Variants in ZNF239 observed in about 807,000 individuals in gnomAD.
ZNF239 encodes zinc finger protein 239, also known as zinc finger protein (C2H2) homologous to mouse MOK-2.
In ZNF239, 16 loss-of-function variants were observed where a neutral mutation model predicts 27.5. That is an observed-to-expected ratio of 0.58 (90% CI 0.39 to 0.88). The LOEUF (loss-of-function observed/expected upper bound fraction) is 0.88, where lower values mean the gene tolerates loss of function less well. ZNF239 is among the 40% of genes least tolerant of loss of function. ZNF239 has a pLI of 0.00. For missense variants in ZNF239, 527 were observed against 551.9 expected (o/e 0.95, Z 0.45); for synonymous variants, 199 against 192.6 (o/e 1.03, Z -0.27).
rs10647144 is a variant in ZNF239 at position 43,561,334 on chromosome 10, AAAACAAAC to A, written c.-92-3171_-92-3164del. ...TTTTAAACCTCAGGACTTCAAGGAA[AAAACAAAC>A]AAACAAACAAACAAACAAACAAAGA... On this transcript the variant is annotated intron_variant, in intron 3 of 3. Coordinates refer to ENST00000374446, the MANE Select transcript of ZNF239 (RefSeq NM_001099282.2). 8.3e-3 allele frequency among the ~76,000 whole-genome samples: 1,259 copies of A among 150,956 alleles called. 8 individuals carry two copies. The highest frequency in any genetic ancestry group is 0.012 in the Non-Finnish European group (784 of 67,698).
At position 43,557,096 on chromosome 10, in the gene ZNF239, G is replaced by A. The variant is rs760129485; in HGVS notation, c.984C>T (p.Phe328=). 2.5e-6 allele frequency: 4 copies of A among 1,611,780 alleles called. No homozygotes were observed. Among genetic ancestry groups the A allele is most frequent in the African/African-American group, 2.7e-5 (2 of 74,378 alleles). ...PYECEECGMS[F]SQRSNLHIHQ... The stretch of plus-strand genomic sequence containing the variant: ...GGATGTGCAGGTTTGAGCGCTGACT[G>A]AAGCTCATACCACACTCCTCACACT... The change falls in exon 4 of 4, where the codon TTC becomes TTT. Residue 328 remains phenylalanine (F), a synonymous_variant. Coordinates refer to ENST00000374446, the MANE Select transcript of ZNF239 (RefSeq NM_001099282.2).
chr10:43,571,207 A>G (rs1838012387), intron 2 of ZNF239, among the ~76,000 whole-genome samples: 1 of 151,144 alleles, frequency 6.6e-6, no homozygotes, highest in Non-Finnish European at 1.5e-5. Context: ...CCTCAGAACT[A>G]CATACATGCC....
rs771164461 is a variant in ZNF239 at position 43,557,077 on chromosome 10, G to A, written c.1003C>T (p.His335Tyr). ...GMSFSQRSNL[H>Y]IHQRVHTGER... The stretch of plus-strand genomic sequence containing the variant: ...CCTGTGTGTACTCGCTGGTGGATGT[G>A]CAGGTTTGAGCGCTGACTGAAGCTC... Residue 335 changes from histidine (H) to tyrosine (Y), a missense_variant, in exon 4 of 4, where the codon CAC becomes TAC. By Grantham distance (83) the His-to-Tyr change is moderately conservative. Transcript: ENST00000374446. 4.3e-6 allele frequency: 7 copies of A among 1,613,728 alleles called. No homozygotes were observed. In the South Asian group the frequency reaches 7.7e-5, roughly 18 times the overall value.
Position 43,557,544 on chromosome 10 carries a change from C to G in ZNF239, c.536G>C (p.Cys179Ser). ...TATTTTCCCACAGTTATTATGGTCA[C>G]AGGGTTTCTCCTCTGTATGAGCTCT... Reference protein sequence around the residue: ...QQRAHTEEKPCDHNNCGKILN... With the variant: ...QQRAHTEEKPSDHNNCGKILN... Residue 179 changes from cysteine (C) to serine (S), a missense_variant, in exon 4 of 4, where the codon TGT (cysteine) becomes TCT (serine). Cys to Ser is a moderately radical substitution (Grantham distance 112). Coordinates refer to ENST00000374446, the MANE Select transcript of ZNF239 (RefSeq NM_001099282.2). The G allele has an allele frequency of 6.2e-7, 1 of 1,614,158 alleles. No individual in the cohort carries two copies. The highest frequency in any genetic ancestry group is 8.5e-7 in the Non-Finnish European group (1 of 1,180,024).
chr10:43,573,096 C>T (rs1838134433), intron 2 of ZNF239, among the ~76,000 whole-genome samples: 1 of 152,118 alleles, frequency 6.6e-6, no homozygotes, highest in Non-Finnish European at 1.5e-5. Context: ...TGATGCATAG[C>T]CTAGTTGAAA....
intron 2 of ZNF239, among the ~76,000 whole-genome samples, chr10:43,572,927 T>C (rs1280221278): frequency 6.6e-6 from 1 of 152,242 alleles, no homozygotes; most frequent in African/African-American, 2.4e-5. Flanking sequence ...TAACTCATTT[T>C]ACCTACCCTA....
At chr10:43,567,196 G>T (rs1837724462) in intron 3 of ZNF239, among the ~76,000 whole-genome samples, 1 of 152,188 alleles carries the variant, frequency 6.6e-6, no homozygotes, top group African/African-American at 2.4e-5. Context: ...GTATGAGAGT[G>T]TCTCACCATG....
At chr10:43,558,515 C>A (rs1479391047) in intron 3 of ZNF239, among the ~76,000 whole-genome samples, 1 of 151,968 alleles carries the variant, frequency 6.6e-6, no homozygotes, top group East Asian at 1.9e-4. Flanking sequence ...GTGGTGTGAT[C>A]TGGTCTCACT....
chr10:43,559,345 CG>C (rs1187825646), intron 3 of ZNF239, among the ~76,000 whole-genome samples: 1 of 152,098 alleles, frequency 6.6e-6, no homozygotes, highest in African/African-American at 2.4e-5. Flanking sequence ...AGAAGAAAAA[CG>C]GTAAGGATGA....
At position 43,573,623 on chromosome 10, in the gene ZNF239, G is replaced by A; in HGVS notation, c.-216+14C>T. The stretch of plus-strand genomic sequence containing the variant: ...GGGAGATGGCATTTTAGGAGAAATG[G>A]AACGCCAACTCACCCGGACCCTGGT... On this transcript the variant is annotated intron_variant, in intron 2 of 3. Coordinates refer to ENST00000374446, the MANE Select transcript of ZNF239 (RefSeq NM_001099282.2). 1.0e-6 allele frequency: 1 copy of A among 985,408 alleles called. No homozygotes were observed. Among genetic ancestry groups the A allele is most frequent in the African/African-American group, 1.7e-5 (1 of 57,344 alleles). 61.0% of individuals were successfully genotyped at this position (985,408 alleles called of 1,614,324 possible).
chr10:43,568,487 A>C (rs577578967), intron 2 of ZNF239: 2 of 981,778 alleles, frequency 2.0e-6, no homozygotes, highest in Non-Finnish European at 2.4e-6. Context: ...TCTACTCTTA[A>C]AATATGAATC....
intron 3 of ZNF239, among the ~76,000 whole-genome samples, chr10:43,565,362 G>A (rs1259629821): frequency 6.6e-6 from 1 of 152,184 alleles, no homozygotes; most frequent in African/African-American, 2.4e-5. Flanking sequence ...GGGATTATAG[G>A]TGTGAGCCAC....
chr10:43,566,868 T>G (rs1333551125), intron 3 of ZNF239, among the ~76,000 whole-genome samples: 1 of 152,228 alleles, frequency 6.6e-6, no homozygotes, highest in Non-Finnish European at 1.5e-5. Context: ...TGCCTTAGAC[T>G]AGATATCTAA....
intron 2 of ZNF239, chr10:43,570,924 A>G: frequency 1.8e-5 from 18 of 985,370 alleles, no homozygotes; most frequent in Non-Finnish European, 2.2e-5. Flanking sequence ...TAGGTAAAAA[A>G]AATGACAGGA....
Position 43,573,665 on chromosome 10 carries a change from AG to A in ZNF239, c.-245del. 2.0e-6 allele frequency: 2 copies of A among 985,384 alleles called. No individual in the cohort carries two copies. The highest frequency in any genetic ancestry group is 2.4e-6 in the Non-Finnish European group (2 of 829,900). The allele number at this position is 985,384 out of a possible 1,614,324, so 61.0% of individuals were successfully genotyped here. A position where few individuals can be genotyped will look rare whatever the true frequency, so the allele number is the denominator to read the frequency against. ...GACCCTGGTCATTTCTTACTCCCAG[AG>A]GGGATGGATTCCTGGAAAGGCAGAG... On this transcript the variant is annotated 5_prime_UTR_variant, in exon 2 of 4. Coordinates refer to ENST00000374446, the MANE Select transcript of ZNF239 (RefSeq NM_001099282.2).
At chr10:43,564,311 T>A (rs1837484488) in intron 3 of ZNF239, 1 of 982,702 alleles carries the variant, frequency 1.0e-6, no homozygotes, top group Non-Finnish European at 1.2e-6. Flanking sequence ...AAGAATGACA[T>A]CATAAATGAT....
chr10:43,560,782 G>A (rs1564458537), intron 3 of ZNF239, among the ~76,000 whole-genome samples: 1 of 151,762 alleles, frequency 6.6e-6, no homozygotes, highest in Non-Finnish European at 1.5e-5. Context: ...AGCATGGGTT[G>A]AGGACACACT....
At chr10:43,561,334 A>AAAACAAAC (rs10647144) in intron 3 of ZNF239, among the ~76,000 whole-genome samples, 42,303 of 150,840 alleles carry the variant, frequency 0.28, 7,077 homozygotes, top group East Asian at 0.47. Context: ...CTTCAAGGAA[A>AAAACAAAC]AAACAAACAA....
intron 2 of ZNF239, among the ~76,000 whole-genome samples, chr10:43,571,360 ATAGT>A (rs2132308025): frequency 6.6e-6 from 1 of 151,100 alleles, no homozygotes; most frequent in Non-Finnish European, 1.5e-5. Context: ...AGTCCTTTCT[ATAGT>A]AAGCCCTAAC....
Sources: gnomAD v4.1 joint callset for allele counts (sites outside exome capture counted in the v4.1 genomes callset) on GRCh38, gnomAD v4.1.1 for gene constraint, MANE v1.5 for transcripts, NCBI Gene and HGNC (gene_info 2026-07-23, HGNC 2026-07-21) for gene names.